The following NSUN5 variants were observed in gnomAD, a reference collection of about 807,000 sequenced individuals.
NSUN5 encodes NOP2/Sun RNA methyltransferase 5, also known as 28S rRNA (cytosine-C(5))-methyltransferase.
In NSUN5, 39 loss-of-function variants were observed where a neutral mutation model predicts 51.1. The ratio of observed to expected loss-of-function variants is 0.76; its 90% CI spans 0.59 to 1.00. The LOEUF (loss-of-function observed/expected upper bound fraction) is 1.00. Among genes scored for constraint, NSUN5 ranks in the 50% least tolerant of loss-of-function variants. The pLI is 0.00. For synonymous variants in NSUN5, 266 were observed against 271.5 expected (o/e 0.98, Z 0.20); for missense variants, 526 against 614.0 (o/e 0.86, Z 1.51).
chr7:73,302,888 G>A lies in NSUN5; in HGVS notation c.*527C>T. ...CTGGCTGCGTGTGCAGCTGAGGAGGGAGTGAACCTCAAGCCTAAATACCTG... is the reference window on the plus strand; with the variant it reads ...CTGGCTGCGTGTGCAGCTGAGGAGGAAGTGAACCTCAAGCCTAAATACCTG... On this transcript the variant is annotated 3_prime_UTR_variant, in exon 10 of 10. Transcript: ENST00000438747. 9.7e-7 allele frequency: 1 copy of A among 1,035,232 alleles called. No homozygotes were observed. Among genetic ancestry groups the A allele is most frequent in the Non-Finnish European group, 1.2e-6 (1 of 858,150 alleles). 64.1% of individuals were successfully genotyped at this position (1,035,232 alleles called of 1,614,324 possible).
rs1291024338 is a variant in NSUN5 at position 73,304,321 on chromosome 7, C to G, written c.843G>C (p.Leu281=). 6.2e-7 allele frequency: 1 copy of G among 1,614,182 alleles called. No homozygotes were observed. Reference sequence around the variant, plus strand: ...AGACCGCCAGGAAGTCCTCCTCAGCCAGTTCACAGCAAGAGACGCCAGCCC... The same window carrying G: ...AGACCGCCAGGAAGTCCTCCTCAGCGAGTTCACAGCAAGAGACGCCAGCCC... ...LARAGVSCCE[L]AEEDFLAVSP... is the part of the protein sequence containing the mutation. The change falls in exon 7 of 10, where the codon CTG becomes CTC. Residue 281 remains leucine, a synonymous_variant. Transcript: ENST00000438747.
intron 2 of NSUN5, chr7:73,308,167 G>A: frequency 2.0e-6 from 1 of 490,170 alleles, no homozygotes; most frequent in Non-Finnish European, 3.6e-6. Context: ...CCGAGTAGCT[G>A]GGACCACAGG....
intron 2 of NSUN5, 136 bp downstream of exon 2, chr7:73,308,295 C>T: frequency 9.0e-7 from 1 of 1,112,610 alleles, no homozygotes; most frequent in Non-Finnish European, 1.3e-6. Flanking sequence ...TAATTCGTAA[C>T]CCAGGGAAGG....
In NSUN5 at chr7:73,303,855, A is replaced by G. The variant is rs1258289184; in HGVS notation, c.1116T>C (p.Asp372=). 5 of 1,613,748 alleles carry G rather than the reference A, an allele frequency of 3.1e-6. No individual in the cohort carries two copies. The African/African-American group carries it at 5.3e-5, about 17-fold the overall frequency. ...CQEENEDVVR[D]ALQQNPGAFR... is the part of the protein sequence containing the mutation. ...AGGCGCCCGGGTTCTGCTGCAGCGC[A>G]TCTCGCACCACGTCTTCATTCTCCT... is the stretch of plus-strand genomic sequence containing the variant. The change falls in exon 8 of 10, where the codon GAT becomes GAC. Residue 372 remains aspartate (D), a synonymous_variant. Transcript: ENST00000438747.
chr7:73,303,600 C>A lies in NSUN5; in HGVS notation c.1286G>T (p.Ser429Ile), dbSNP rs782781042. 5 of 1,614,108 alleles carry A rather than the reference C, an allele frequency of 3.1e-6. No individual in the cohort carries two copies. In the African/African-American group the frequency reaches 4.0e-5, roughly 13 times the overall value. The change falls in exon 9 of 10, where the codon AGC becomes ATC. Residue 429 changes from serine to isoleucine, a missense_variant and splice_region_variant. Physicochemically the swap from Ser to Ile is moderately radical, Grantham distance 142. Transcript: ENST00000438747. Reference protein sequence around the residue: ...VAVIERVEVPSSASQAKASAP... With the variant: ...VAVIERVEVPISASQAKASAP... ...CCCAAGCACGCCCCCACTCACTCAC[C>A]TTGGCACCTCGACCCGTTCAATTAC...
rs202108540 is a variant in NSUN5, at chr7:73,308,808, C to T, written c.-18G>A. ...AGCCCCATGTTCCCGCGCGCCTTTA[C>T]GGCTCTGTGGCAAAACGCACCCGGC... On this transcript the variant is annotated 5_prime_UTR_variant, in exon 1 of 10. Coordinates refer to ENST00000438747, the MANE Select transcript of NSUN5 (RefSeq NM_148956.4). 106 of 1,610,132 alleles carry T rather than the reference C, an allele frequency of 6.6e-5. No individual in the cohort carries two copies. In the East Asian group the frequency reaches 2.3e-3, roughly 34 times the overall value.
chr7:73,303,271 T>C lies in NSUN5; in HGVS notation c.*144A>G, dbSNP rs543088288. On this transcript the variant is annotated 3_prime_UTR_variant, in exon 10 of 10. Transcript: ENST00000438747. Reference sequence around the variant, plus strand: ...TTTATTTTTGCAGGCAACACTTTGCTCACCAGCAAGAACACAGCCCAAGGA... The same window carrying C: ...TTTATTTTTGCAGGCAACACTTTGCCCACCAGCAAGAACACAGCCCAAGGA... 4 of 1,606,742 alleles carry C rather than the reference T, an allele frequency of 2.5e-6. No homozygotes were observed. The South Asian group carries it at 3.3e-5, about 13-fold the overall frequency.
chr7:73,304,895 G>A, intron 5 of NSUN5, 33 bp from the exon 6 acceptor site: 1 of 1,613,540 alleles, frequency 6.2e-7, no homozygotes, highest in Non-Finnish European at 8.5e-7. Context: ...CAGGTAAACA[G>A]AGACCCCAGG....
At chr7:73,307,947 C>T in intron 2 of NSUN5, 190 bp from the exon 3 acceptor site, 1 of 607,324 alleles carries the variant, frequency 1.6e-6, no homozygotes, top group Non-Finnish European at 2.8e-6. Flanking sequence ...CCTGGCGTCT[C>T]GCTTCCCAGC....
chr7:73,304,229 C>T lies in NSUN5; in HGVS notation c.934+1G>A. On this transcript the variant is annotated splice_donor_variant, in intron 7 of 9. Transcript: ENST00000438747. LOFTEE classifies it high-confidence loss of function. The stretch of plus-strand genomic sequence containing the variant: ...TCGGCCACGCTTTCTCGCCATCTCA[C>T]CCGAGCCACTGCAGGAAGGATCCAG... 1 of 1,606,284 alleles carries T rather than the reference C, an allele frequency of 6.2e-7. No individual in the cohort carries two copies. The highest frequency in any genetic ancestry group is 8.5e-7 in the Non-Finnish European group (1 of 1,175,594).
intron 6 of NSUN5, 101 bp downstream of exon 6, chr7:73,304,646 G>T: frequency 1.8e-6 from 2 of 1,092,744 alleles, no homozygotes; most frequent in Non-Finnish European, 2.8e-6. Flanking sequence ...CTTTGGTGCA[G>T]CAAGAAAGAC....
rs557462953 is a variant in NSUN5, at chr7:73,306,028, C to T, written c.501-931G>A. 1.2e-3 allele frequency among the ~76,000 whole-genome samples: 189 copies of T among 152,184 alleles called. 1 individual carries two copies. The highest frequency in any genetic ancestry group is 2.1e-3 in the Non-Finnish European group (141 of 68,000). On this transcript the variant is annotated intron_variant, in intron 4 of 9. Transcript: ENST00000438747. ...CCACTGTTGCTGGCACACTGGTGCA[C>T]GCAGCACCGTGGCAGATGGACCTGA...
intron 2 of NSUN5, 37 bp from the exon 3 acceptor site, chr7:73,307,794 C>T: frequency 6.6e-7 from 1 of 1,514,124 alleles, no homozygotes; most frequent in East Asian, 2.5e-5. Flanking sequence ...ACAAAAATGC[C>T]CTAAGCATGA....
intron 4 of NSUN5, among the ~76,000 whole-genome samples, chr7:73,305,581 C>T (rs1158784727): frequency 3.4e-4 from 52 of 151,540 alleles, no homozygotes; most frequent in Non-Finnish European, 7.1e-4. Flanking sequence ...TCTCCTGCCT[C>T]AGCCTCCCGA....
chr7:73,303,643 T>A lies in NSUN5; in HGVS notation c.1243A>T (p.Ser415Cys). 1.2e-6 allele frequency: 2 copies of A among 1,614,158 alleles called. No individual in the cohort carries two copies. Among genetic ancestry groups the A allele is most frequent in the Non-Finnish European group, 1.7e-6 (2 of 1,180,002 alleles). ...LRASPETTLS[S>C]GFFVAVIERV... ...TCAATTACAGCAACGAAGAAGCCAC[T>A]GCTGAGTGTGGTCTCAGGGGAGGCC... is the stretch of plus-strand genomic sequence containing the variant. The change falls in exon 9 of 10, where the codon AGT (serine) becomes TGT (cysteine). Residue 415 changes from serine (S) to cysteine (C), a missense_variant. Physicochemically the swap from Ser to Cys is moderately radical, Grantham distance 112. Transcript: ENST00000438747.
chr7:73,304,218 T>A lies in NSUN5; in HGVS notation c.934+12A>T. The A allele has an allele frequency of 6.3e-7, 1 of 1,598,672 alleles. No homozygotes were observed. Among genetic ancestry groups the A allele is most frequent in the Non-Finnish European group, 8.5e-7 (1 of 1,171,524 alleles). ...CTGCGAGTCCCTCGGCCACGCTTTCTCGCCATCTCACCCGAGCCACTGCAG... is the reference window on the plus strand; with the variant it reads ...CTGCGAGTCCCTCGGCCACGCTTTCACGCCATCTCACCCGAGCCACTGCAG... On this transcript the variant is annotated intron_variant, in intron 7 of 9. Transcript: ENST00000438747.
At chr7:73,307,371 C>G in intron 4 of NSUN5, 23 bp downstream of exon 4, 1 of 1,565,342 alleles carries the variant, frequency 6.4e-7, no homozygotes. Context: ...TAGATGAGGA[C>G]AGCCAGGGCT....
In NSUN5 at chr7:73,303,179, A is replaced by T; in HGVS notation, c.*236T>A. Reference sequence around the variant, plus strand: ...AGTTGGAACTTTTAGTATGAATGTGAGATTTTTCTCCTGCTTGTGACATTA... The same window carrying T: ...AGTTGGAACTTTTAGTATGAATGTGTGATTTTTCTCCTGCTTGTGACATTA... On this transcript the variant is annotated 3_prime_UTR_variant, in exon 10 of 10. Coordinates refer to ENST00000438747, the MANE Select transcript of NSUN5 (RefSeq NM_148956.4). 6.9e-7 allele frequency: 1 copy of T among 1,454,136 alleles called. No individual in the cohort carries two copies. Among genetic ancestry groups the T allele is most frequent in the Non-Finnish European group, 9.1e-7 (1 of 1,103,032 alleles). The allele number at this position is 1,454,136 out of a possible 1,614,324, so 90.1% of individuals were successfully genotyped here. A position where few individuals can be genotyped will look rare whatever the true frequency, so the allele number is the denominator to read the frequency against.
In NSUN5 at chr7:73,307,380, C is replaced by T; in HGVS notation, c.500+14G>A. On this transcript the variant is annotated intron_variant, in intron 4 of 9. Transcript: ENST00000438747. ...CCTCCCTAGATGAGGACAGCCAGGG[C>T]TCTAAGCTCTCACCTGGAAGCCCGA... The T allele has an allele frequency of 1.9e-6, 3 of 1,592,746 alleles. No homozygotes were observed. Among genetic ancestry groups the T allele is most frequent in the Non-Finnish European group, 2.6e-6 (3 of 1,160,676 alleles).
Sources: gnomAD v4.1 joint callset for allele counts (sites outside exome capture counted in the v4.1 genomes callset) on GRCh38, gnomAD v4.1.1 for gene constraint, MANE v1.5 for transcripts, NCBI Gene and HGNC (gene_info 2026-07-23, HGNC 2026-07-21) for gene names.